The following RALGAPB variants were observed in gnomAD, a reference collection of about 807,000 sequenced individuals.
The protein encoded by RALGAPB is ral GTPase-activating protein subunit beta.
RALGAPB carries 25 observed loss-of-function variants against 161.1 expected under a neutral mutation model. The observed-to-expected ratio is 0.16, with a 90% CI of 0.11 to 0.22. The LOEUF is 0.22. RALGAPB is among the 10% of genes least tolerant of loss of function. The probability of loss-of-function intolerance (pLI) is 1.00; values close to 1 mark genes in which losing one functional copy is unlikely to be tolerated. For synonymous variants in RALGAPB, 629 were observed against 626.1 expected, an observed-to-expected ratio of 1.00 and a Z score of -0.07; for missense variants, 1,391 against 1,815.2, an observed-to-expected ratio of 0.77 and a Z score of 4.25.
At chr20:38,522,746 C>T (rs1470000896) in intron 10 of RALGAPB, among the ~76,000 whole-genome samples, 4 of 152,084 alleles carry the variant, frequency 2.6e-5, no homozygotes, top group Non-Finnish European at 4.4e-5. Context: ...TAACTATCGG[C>T]GCTTGGTTTA....
At chr20:38,567,757 G>T (rs949116831) in intron 26 of RALGAPB, among the ~76,000 whole-genome samples, 4 of 152,170 alleles carry the variant, frequency 2.6e-5, no homozygotes, top group Admixed American at 2.6e-4. Flanking sequence ...AGAAGTGTAG[G>T]AAGATTGACT....
intron 4 of RALGAPB, among the ~76,000 whole-genome samples, chr20:38,498,505 A>G (rs2122942502): frequency 6.6e-6 from 1 of 152,348 alleles, no homozygotes; most frequent in East Asian, 1.9e-4. Flanking sequence ...ATGCAATGAT[A>G]GTAATACTCT....
intron 7 of RALGAPB, 29 bp downstream of exon 7, chr20:38,516,399 T>G (rs758788259): frequency 6.3e-7 from 1 of 1,589,300 alleles, no homozygotes; most frequent in Non-Finnish European, 8.6e-7. Context: ...GCTAGATGTA[T>G]GAAGAGCTTC....
rs970073780 is a variant in RALGAPB at position 38,570,001 on chromosome 20, T to C, written c.4063+5T>C. On this transcript the variant is annotated splice_donor_5th_base_variant and intron_variant, in intron 27 of 29. Transcript: ENST00000262879. ...TGGAACGCTATGATGATATAGGTAC[T>C]GTATGAGGACTTTGTCCATAAATAA... The C allele has an allele frequency of 5.6e-6, 9 of 1,598,936 alleles. No individual in the cohort carries two copies. In the African/African-American group the frequency reaches 9.4e-5, roughly 17 times the overall value.
At position 38,553,999 on chromosome 20, in the gene RALGAPB, C is replaced by T; in HGVS notation, c.3295C>T (p.Pro1099Ser). The change falls in exon 22 of 30, where the codon CCG (proline) becomes TCG (serine). Residue 1099 changes from proline (P) to serine (S), a missense_variant. Coordinates refer to ENST00000262879, the MANE Select transcript of RALGAPB (RefSeq NM_020336.4). The part of the protein sequence containing the change: ...FPDPVTDCKP[P>S]PPAQEFQTAR... ...TGACCCAGTTACGGATTGCAAGCCC[C>T]CGCCTCCTGCCCAGGAATTCCAAAC... 6.2e-7 allele frequency: 1 copy of T among 1,613,806 alleles called. No individual in the cohort carries two copies. The highest frequency in any genetic ancestry group is 8.5e-7 in the Non-Finnish European group (1 of 1,179,866).
chr20:38,563,075 A>T (rs1212695686), intron 24 of RALGAPB, among the ~76,000 whole-genome samples: 1 of 152,144 alleles, frequency 6.6e-6, no homozygotes, highest in Non-Finnish European at 1.5e-5. Context: ...TAAAAACTAA[A>T]CAGAGGTATA....
intron 19 of RALGAPB, chr20:38,547,854 C>T (rs2087224803): frequency 6.6e-6 from 1 of 152,166 alleles, no homozygotes; most frequent in African/African-American, 2.4e-5. Context: ...TTCCTCCAGC[C>T]TCCTACTCCA....
intron 16 of RALGAPB, among the ~76,000 whole-genome samples, chr20:38,535,752 T>A (rs185302613): frequency 6.6e-6 from 1 of 152,122 alleles, no homozygotes; most frequent in African/African-American, 2.4e-5. Context: ...AGCCAGCTAA[T>A]TTTTGTGTTT....
intron 22 of RALGAPB, among the ~76,000 whole-genome samples, chr20:38,556,396 A>G (rs900563177): frequency 6.6e-6 from 1 of 152,164 alleles, no homozygotes. Context: ...ACTAAGAGGT[A>G]AAAATCATTG....
intron 1 of RALGAPB, among the ~76,000 whole-genome samples, chr20:38,486,777 T>C (rs2085127356): frequency 6.6e-6 from 1 of 152,260 alleles, no homozygotes; most frequent in Non-Finnish European, 1.5e-5. Context: ...TAAATTTTTA[T>C]TTGAATATAA....
At chr20:38,539,481 A>G (rs1209470670) in intron 16 of RALGAPB, among the ~76,000 whole-genome samples, 1 of 152,190 alleles carries the variant, frequency 6.6e-6, no homozygotes, top group Non-Finnish European at 1.5e-5. Context: ...AAATGTGCCC[A>G]TGTTCTTTCA....
At chr20:38,557,919 T>C (rs2087645058) in intron 22 of RALGAPB, among the ~76,000 whole-genome samples, 1 of 152,256 alleles carries the variant, frequency 6.6e-6, no homozygotes, top group East Asian at 1.9e-4. Flanking sequence ...ATGGTAAGAC[T>C]GTGTTTGGCT....
At chr20:38,477,020 G>T (rs567050027) in intron 1 of RALGAPB, among the ~76,000 whole-genome samples, 1 of 152,188 alleles carries the variant, frequency 6.6e-6, no homozygotes, top group South Asian at 2.1e-4. Flanking sequence ...ATAAGACACG[G>T]CCCCTGTCCT....
chr20:38,560,117 T>C (rs2087735338), intron 23 of RALGAPB, among the ~76,000 whole-genome samples: 1 of 152,124 alleles, frequency 6.6e-6, no homozygotes, highest in Non-Finnish European at 1.5e-5. Flanking sequence ...TTTTTTTTTT[T>C]TGTTATTGAG....
Position 38,488,425 on chromosome 20 carries a change from G to A in RALGAPB, c.-8G>A, listed in dbSNP as rs377030243. The A allele has an allele frequency of 2.5e-6, 4 of 1,606,328 alleles. No individual in the cohort carries two copies. In the South Asian group the frequency reaches 4.5e-5, roughly 18 times the overall value. ...CAGGTGCCATTTGGATTGTACTTTAGTGGCACGATGTACTCTGAGTGGAGG... is the reference window on the plus strand; with the variant it reads ...CAGGTGCCATTTGGATTGTACTTTAATGGCACGATGTACTCTGAGTGGAGG... On this transcript the variant is annotated 5_prime_UTR_variant, in exon 2 of 30. The change creates a new upstream start codon in the 5' untranslated region. Transcript: ENST00000262879.
At chr20:38,565,790 C>T (rs16987397) in intron 25 of RALGAPB, among the ~76,000 whole-genome samples, 11,117 of 152,108 alleles carry the variant, frequency 0.073, 1,415 homozygotes, top group African/African-American at 0.25. Context: ...TCTCTAATTA[C>T]GAGTGATCCC....
chr20:38,473,474 A>T (rs2084712244), intron 1 of RALGAPB, among the ~76,000 whole-genome samples: 1 of 151,990 alleles, frequency 6.6e-6, no homozygotes, highest in Non-Finnish European at 1.5e-5. Flanking sequence ...GATGAGGGAG[A>T]GTTGATGATG....
rs1600915912 is a variant in RALGAPB, at chr20:38,516,336, G to A, written c.1017G>A (p.Met339Ile). 4 of 1,613,942 alleles carry A rather than the reference G, an allele frequency of 2.5e-6. No homozygotes were observed. The highest frequency in any genetic ancestry group is 3.4e-6 in the Non-Finnish European group (4 of 1,179,924). Residue 339 changes from methionine (M) to isoleucine (I), a missense_variant, in exon 7 of 30, where the codon ATG becomes ATA. Physicochemically the swap from Met to Ile is conservative, Grantham distance 10 (BLOSUM62 1). This residue lies in a region of RALGAPB where 946 missense variants were observed against 1,257.2 expected (regional missense o/e 0.75). Coordinates refer to ENST00000262879, the MANE Select transcript of RALGAPB (RefSeq NM_020336.4). ...KHLPQIFFRA[M>I]RGISCLVDAF... ...TGCCTCAAATATTTTTTCGTGCCAT[G>A]CGTGGAATCAGCTGTCTGGTGGATG...
chr20:38,490,184 A>G (rs1173587342), intron 2 of RALGAPB, among the ~76,000 whole-genome samples: 1 of 145,728 alleles, frequency 6.9e-6, no homozygotes, highest in African/African-American at 2.6e-5. Context: ...TAATTTTTGT[A>G]TTTTAAAAAT....
Sources: allele counts gnomAD v4.1 joint callset (sites outside exome capture counted in the v4.1 genomes callset), GRCh38; gene constraint gnomAD v4.1.1; regional missense constraint gnomAD v4.1.1; transcripts MANE v1.5; gene names NCBI Gene and HGNC (gene_info 2026-07-23, HGNC 2026-07-21).